EFCAB6: variants seen among roughly 807,000 people sequenced by gnomAD.
EFCAB6 encodes the protein EF-hand calcium binding domain 6.
Under a neutral mutation model 169.8 loss-of-function variants are expected in EFCAB6, and 156 were observed. That is an observed-to-expected ratio of 0.92 (90% CI 0.81 to 1.05). The LOEUF is 1.05. Among genes scored for constraint, EFCAB6 ranks in the 50% least tolerant of loss-of-function variants. The pLI, the probability that EFCAB6 is intolerant of heterozygous loss-of-function variation, is 0.00. For synonymous variants in EFCAB6, 698 were observed against 676.4 expected, an observed-to-expected ratio of 1.03 and a Z score of -0.50; for missense variants, 1,800 against 1,829.1, an observed-to-expected ratio of 0.98 and a Z score of 0.29.
At chr22:43,601,719 G>A (rs1393836720) in intron 22 of EFCAB6, among the ~76,000 whole-genome samples, 1 of 152,244 alleles carries the variant, frequency 6.6e-6, no homozygotes, top group African/African-American at 2.4e-5. Flanking sequence ...GTGGCAGGTA[G>A]GAGAGAAAGC....
At chr22:43,593,849 G>A (rs1392535434) in intron 23 of EFCAB6, among the ~76,000 whole-genome samples, 1 of 152,212 alleles carries the variant, frequency 6.6e-6, no homozygotes, top group Non-Finnish European at 1.5e-5. Flanking sequence ...CTATAGAGCA[G>A]TAGGTAAGAG....
chr22:43,674,869 C>T (rs1480667422), intron 13 of EFCAB6, among the ~76,000 whole-genome samples: 1 of 152,068 alleles, frequency 6.6e-6, no homozygotes, highest in Non-Finnish European at 1.5e-5. Context: ...ACCGCAGGTG[C>T]ACAAGCTCCT....
rs752436128 is a variant in EFCAB6, at chr22:43,667,155, A to C, written c.1932T>G (p.Leu644=). 3.7e-6 allele frequency: 6 copies of C among 1,614,114 alleles called. No individual in the cohort carries two copies. The highest frequency in any genetic ancestry group is 5.1e-6 in the Non-Finnish European group (6 of 1,180,014). Residue 644 remains leucine, a synonymous_variant, in exon 17 of 32, where the codon CTT becomes CTG. Coordinates refer to ENST00000262726, the MANE Select transcript of EFCAB6 (RefSeq NM_022785.4). ...TTCCATTAGGCTCCTTGCTGAAGTCAAGAAATCGTTTTTTGAATGCCGGGT... is the reference window on the plus strand; with the variant it reads ...TTCCATTAGGCTCCTTGCTGAAGTCCAGAAATCGTTTTTTGAATGCCGGGT... The part of the protein sequence containing the change: ...QQDPAFKKRF[L]DFSKEPNGKI...
At chr22:43,666,958 A>G in intron 17 of EFCAB6, 146 bp downstream of exon 17, 1 of 1,143,790 alleles carries the variant, frequency 8.7e-7, no homozygotes, top group Non-Finnish European at 1.2e-6. Context: ...TTTGGCCAAA[A>G]AAAAAAATCC....
chr22:43,707,185 T>A (rs1052366705), intron 10 of EFCAB6, among the ~76,000 whole-genome samples: 3 of 152,098 alleles, frequency 2.0e-5, no homozygotes, highest in African/African-American at 7.2e-5. Context: ...GGGAGTAGAT[T>A]TGGCACAGCA....
At chr22:43,659,785 C>T (rs2056917176) in intron 17 of EFCAB6, among the ~76,000 whole-genome samples, 1 of 152,176 alleles carries the variant, frequency 6.6e-6, no homozygotes, top group Non-Finnish European at 1.5e-5. Context: ...AAAGAGCAGG[C>T]AAATTCTCTG....
intron 3 of EFCAB6, among the ~76,000 whole-genome samples, chr22:43,779,232 T>G (rs2061735301): frequency 6.6e-6 from 1 of 152,234 alleles, no homozygotes; most frequent in South Asian, 2.1e-4. Context: ...AACTCAGGTC[T>G]ATAGAAATGA....
chr22:43,732,236 A>G (rs1045276258), intron 7 of EFCAB6, among the ~76,000 whole-genome samples: 1 of 152,116 alleles, frequency 6.6e-6, no homozygotes, highest in Admixed American at 6.5e-5. Flanking sequence ...CAAAATTTCC[A>G]TAAGCAGGGA....
chr22:43,542,277 C>T (rs1427105703), intron 27 of EFCAB6, among the ~76,000 whole-genome samples: 1 of 152,196 alleles, frequency 6.6e-6, no homozygotes, highest in African/African-American at 2.4e-5. Context: ...GGCCAACTCC[C>T]TAATTAAATT....
At chr22:43,733,999 G>A (rs907552298) in intron 7 of EFCAB6, among the ~76,000 whole-genome samples, 2 of 152,182 alleles carry the variant, frequency 1.3e-5, no homozygotes, top group Admixed American at 6.5e-5. Context: ...GATCCACCGC[G>A]CCCGGCCAGT....
At chr22:43,793,656 G>A (rs1190922507) in intron 2 of EFCAB6, among the ~76,000 whole-genome samples, 1 of 152,080 alleles carries the variant, frequency 6.6e-6, no homozygotes, top group African/African-American at 2.4e-5. Context: ...GTAGCCTGGA[G>A]AAATTCAGCA....
intron 17 of EFCAB6, among the ~76,000 whole-genome samples, chr22:43,652,081 G>A (rs1282752676): frequency 6.6e-6 from 1 of 152,196 alleles, no homozygotes; most frequent in Non-Finnish European, 1.5e-5. Context: ...GATTGGTTTT[G>A]AAATGTGAGA....
chr22:43,595,097 T>TA (rs2051896439), intron 23 of EFCAB6, among the ~76,000 whole-genome samples: 1 of 151,274 alleles, frequency 6.6e-6, no homozygotes, highest in African/African-American at 2.4e-5. Flanking sequence ...AAATACAACA[T>TA]ACCAAAAATC....
intron 10 of EFCAB6, among the ~76,000 whole-genome samples, chr22:43,709,708 A>G (rs1397802809): frequency 6.6e-5 from 10 of 152,204 alleles, no homozygotes; most frequent in African/African-American, 2.4e-4. Context: ...TTAAATTATT[A>G]TTTGCATAAT....
chr22:43,643,892 C>A (rs560006126), intron 17 of EFCAB6, among the ~76,000 whole-genome samples: 3 of 151,764 alleles, frequency 2.0e-5, no homozygotes, highest in Non-Finnish European at 4.4e-5. Context: ...AGCGTGATCT[C>A]GGCTCACTGC....
intron 8 of EFCAB6, 29 bp downstream of exon 8, chr22:43,731,670 C>T (rs893627040): frequency 7.3e-7 from 1 of 1,368,678 alleles, no homozygotes; most frequent in African/African-American, 1.5e-5. Context: ...ATATTGAAAT[C>T]TTTAGCTATA....
intron 23 of EFCAB6, among the ~76,000 whole-genome samples, chr22:43,595,581 G>A (rs746495499): frequency 2.6e-5 from 4 of 152,064 alleles, no homozygotes; most frequent in Non-Finnish European, 4.4e-5. Flanking sequence ...CCAACAATGA[G>A]TAACAACATC....
intron 4 of EFCAB6, among the ~76,000 whole-genome samples, chr22:43,772,101 A>G (rs739234): frequency 0.88 from 133,494 of 152,086 alleles, 58,636 homozygotes; most frequent in East Asian, 0.99. Context: ...CTCTCCCTCC[A>G]GTAACTCCCA....
intron 17 of EFCAB6, among the ~76,000 whole-genome samples, chr22:43,647,488 C>T (rs577472424): frequency 6.6e-6 from 1 of 152,310 alleles, no homozygotes; most frequent in South Asian, 2.1e-4. Flanking sequence ...CAGCCAAGTC[C>T]CAGCCCTCAG....
Sources: gnomAD v4.1 joint callset for allele counts (sites outside exome capture counted in the v4.1 genomes callset) on GRCh38, gnomAD v4.1.1 for gene constraint, MANE v1.5 for transcripts, NCBI Gene and HGNC (gene_info 2026-07-23, HGNC 2026-07-21) for gene names.